The following MDGA2 variants were observed in gnomAD, a reference collection of about 807,000 sequenced individuals.
MDGA2 encodes MAM domain-containing glycosylphosphatidylinositol anchor protein 2.
Under a neutral mutation model 117.8 loss-of-function variants are expected in MDGA2, and 40 were observed. The observed-to-expected ratio is 0.34, with a 90% confidence interval of 0.26 to 0.44. MDGA2 has a LOEUF of 0.44. Among genes scored for constraint, MDGA2 ranks in the 20% least tolerant of loss-of-function variants. The pLI, the probability that MDGA2 is intolerant of heterozygous loss-of-function variation, is 1.00. For missense variants in MDGA2, 1,123 were observed against 1,250.6 expected (o/e 0.90, Z 1.54); for synonymous variants, 452 against 439.0 (o/e 1.03, Z -0.37).
At chr14:46,974,996 A>G (rs1017417631) in intron 8 of MDGA2, among the ~76,000 whole-genome samples, 4 of 152,078 alleles carry the variant, frequency 2.6e-5, no homozygotes, top group Non-Finnish European at 4.4e-5. Flanking sequence ...AACTCCTAAA[A>G]CTCAACAAAA....
chr14:47,020,456 A>G (rs1888247255), intron 8 of MDGA2, among the ~76,000 whole-genome samples: 2 of 152,196 alleles, frequency 1.3e-5, no homozygotes, highest in African/African-American at 4.8e-5. Context: ...TTCTAGAGAA[A>G]ACCAATCTGA....
At chr14:47,267,326 C>G (rs1887999325) in intron 2 of MDGA2, among the ~76,000 whole-genome samples, 1 of 151,824 alleles carries the variant, frequency 6.6e-6, no homozygotes, top group African/African-American at 2.4e-5. Flanking sequence ...AATTTAATGA[C>G]TTGGAAAGGA....
intron 2 of MDGA2, among the ~76,000 whole-genome samples, chr14:47,255,955 A>C (rs1416324953): frequency 2.0e-5 from 3 of 151,948 alleles, no homozygotes; most frequent in Non-Finnish European, 2.9e-5. Context: ...ATAAAATTAA[A>C]TTGACCCATT....
intron 10 of MDGA2, among the ~76,000 whole-genome samples, chr14:46,900,983 T>C (rs1883261749): frequency 1.3e-5 from 2 of 152,110 alleles, no homozygotes; most frequent in Admixed American, 1.3e-4. Flanking sequence ...TGTAACTTCC[T>C]GTGAATCTGT....
At chr14:47,011,127 T>C (rs1430752287) in intron 8 of MDGA2, among the ~76,000 whole-genome samples, 1 of 151,706 alleles carries the variant, frequency 6.6e-6, no homozygotes, top group Non-Finnish European at 1.5e-5. Context: ...GCAAAGATAA[T>C]CAGAAGAAAA....
At chr14:47,251,901 A>T (rs1029704677) in intron 2 of MDGA2, among the ~76,000 whole-genome samples, 1 of 151,862 alleles carries the variant, frequency 6.6e-6, no homozygotes, top group African/African-American at 2.4e-5. Flanking sequence ...AGTTAATAGT[A>T]TTTGACTCAG....
chr14:47,320,425 T>C (rs1377772269), intron 1 of MDGA2, among the ~76,000 whole-genome samples: 1 of 152,104 alleles, frequency 6.6e-6, no homozygotes, highest in Non-Finnish European at 1.5e-5. Context: ...TGCTTACAGT[T>C]TGGCATTTCT....
At chr14:47,024,331 T>C (rs1161685050) in intron 8 of MDGA2, among the ~76,000 whole-genome samples, 1 of 152,202 alleles carries the variant, frequency 6.6e-6, no homozygotes, top group Non-Finnish European at 1.5e-5. Flanking sequence ...ACAAGGCAAT[T>C]ATGTTGTGTT....
chr14:47,372,968 G>C (rs4898566), intron 1 of MDGA2, among the ~76,000 whole-genome samples: 3 of 151,754 alleles, frequency 2.0e-5, no homozygotes, highest in African/African-American at 7.3e-5. Context: ...AAAAAAATTT[G>C]TATTGTAGAA....
intron 1 of MDGA2, among the ~76,000 whole-genome samples, chr14:47,650,362 A>G (rs1341933401): frequency 2.0e-5 from 3 of 152,224 alleles, no homozygotes; most frequent in Admixed American, 2.0e-4. Context: ...GTCCTTGAAT[A>G]ACATTGTTTC....
chr14:46,917,320 C>A (rs555102120), intron 10 of MDGA2, among the ~76,000 whole-genome samples: 1 of 152,290 alleles, frequency 6.6e-6, no homozygotes, highest in South Asian at 2.1e-4. Flanking sequence ...GTATACAACA[C>A]TGACAGATGA....
At chr14:47,444,300 G>A (rs1424259417) in intron 1 of MDGA2, 1 of 157,728 alleles carries the variant, frequency 6.3e-6, no homozygotes, top group Admixed American at 6.3e-5. Context: ...ACCTGCCTGA[G>A]GGATTCGCAG....
intron 6 of MDGA2, among the ~76,000 whole-genome samples, chr14:47,067,563 A>G (rs1262415955): frequency 1.3e-5 from 2 of 152,070 alleles, no homozygotes; most frequent in African/African-American, 4.8e-5. Context: ...AGATTCATCT[A>G]ATAAACTCAC....
intron 7 of MDGA2, among the ~76,000 whole-genome samples, chr14:47,046,478 A>G (rs1889269482): frequency 6.6e-6 from 1 of 151,392 alleles, no homozygotes; most frequent in African/African-American, 2.4e-5. Context: ...GGGAGGGAAA[A>G]CATCAGGGAT....
chr14:47,656,276 C>A (rs189193683), intron 1 of MDGA2, among the ~76,000 whole-genome samples: 23 of 152,308 alleles, frequency 1.5e-4, no homozygotes, highest in African/African-American at 5.3e-4. Context: ...TGGCAAACCC[C>A]TACATCTTTC....
intron 3 of MDGA2, among the ~76,000 whole-genome samples, chr14:47,166,517 T>C (rs1883884422): frequency 6.6e-6 from 1 of 152,194 alleles, no homozygotes; most frequent in Non-Finnish European, 1.5e-5. Flanking sequence ...ACATTGGCTC[T>C]CTCATCCACA....
chr14:47,633,137 C>T (rs376193131), intron 1 of MDGA2, among the ~76,000 whole-genome samples: 1 of 152,168 alleles, frequency 6.6e-6, no homozygotes, highest in Non-Finnish European at 1.5e-5. Flanking sequence ...ATCCTAACTG[C>T]GCTCATCATG....
intron 1 of MDGA2, among the ~76,000 whole-genome samples, chr14:47,346,120 T>C (rs2138336876): frequency 6.6e-6 from 1 of 152,196 alleles, no homozygotes; most frequent in East Asian, 1.9e-4. Context: ...AAATAATGAA[T>C]GTATAAGGTG....
intron 4 of MDGA2, among the ~76,000 whole-genome samples, chr14:47,137,449 G>C (rs976210292): frequency 3.3e-5 from 5 of 152,078 alleles, no homozygotes; most frequent in Non-Finnish European, 7.4e-5. Flanking sequence ...GGGGGGCTGT[G>C]AGTTCTAACT....
Sources: allele counts gnomAD v4.1 joint callset (sites outside exome capture counted in the v4.1 genomes callset), GRCh38; gene constraint gnomAD v4.1.1; transcripts MANE v1.5; gene names NCBI Gene and HGNC (gene_info 2026-07-23, HGNC 2026-07-21).